The following RRN3 variants were observed in gnomAD, a reference collection of about 807,000 sequenced individuals.
RRN3 encodes RNA polymerase I-specific transcription initiation factor RRN3.
Under a neutral mutation model 82.3 loss-of-function variants are expected in RRN3, and 38 were observed. The observed-to-expected ratio is 0.46, with a 90% CI of 0.36 to 0.61. The LOEUF (loss-of-function observed/expected upper bound fraction) is 0.61, where lower values mean the gene tolerates loss of function less well. RRN3 is among the 20% of genes least tolerant of loss of function. RRN3 has a pLI of 0.00. For synonymous variants in RRN3, 284 were observed against 284.3 expected (o/e 1.00, Z 0.01); for missense variants, 726 against 793.1 (o/e 0.92, Z 1.02).
At chr16:15,083,370 G>T (rs2045782762) in intron 8 of RRN3, 143 bp downstream of exon 8, 1 of 1,340,824 alleles carries the variant, frequency 7.5e-7, no homozygotes, top group Non-Finnish European at 1.0e-6. Flanking sequence ...TTGCACTCCA[G>T]CTTGGGCGAC....
rs138391775 is a variant in RRN3 at position 15,094,183 on chromosome 16, C to T, written c.51G>A (p.Ser17=). The T allele has an allele frequency of 2.5e-6, 4 of 1,601,758 alleles. No homozygotes were observed. The highest frequency in any genetic ancestry group is 4.5e-5 in the East Asian group (2 of 44,492). ...HTRLPGDAAA[S]SSAVKKLGAS... ...CGCCCAGCTTCTTAACTGCAGAGGA[C>T]GAAGCGGCCGCATCTCCCGGCAAAC... Residue 17 remains serine, a synonymous_variant, in exon 1 of 18, where the codon TCG becomes TCA. Transcript: ENST00000198767.
chr16:15,072,562 G>C (rs147714412), intron 12 of RRN3, among the ~76,000 whole-genome samples: 1 of 152,094 alleles, frequency 6.6e-6, no homozygotes, highest in East Asian at 1.9e-4. Flanking sequence ...AACGCTTTGC[G>C]GGGCAGGAGG....
intron 10 of RRN3, 38 bp from the exon 11 acceptor site, chr16:15,074,899 T>A (rs1167050188): frequency 1.3e-6 from 2 of 1,572,376 alleles, no homozygotes; most frequent in African/African-American, 1.4e-5. Context: ...ATTAAAAAAT[T>A]CAATGTCAAA....
rs374353637 is a variant in RRN3, at chr16:15,073,066, C to G, written c.1012G>C (p.Gly338Arg). ...TCGCGATATAGATCCTTTGTTTTGC[C>G]GTTATCAACCTTACCTATGGAGAAA... ...VCYVDGKVDN[G>R]KTKDLYRDLI... Residue 338 changes from glycine to arginine, a missense_variant, in exon 12 of 18, where the codon GGC (glycine) becomes CGC (arginine). This residue lies in a region of RRN3 where 344 missense variants were observed against 394.5 expected (regional missense o/e 0.87). Coordinates refer to ENST00000198767, the MANE Select transcript of RRN3 (RefSeq NM_018427.5). 1 of 1,609,976 alleles carries G rather than the reference C, an allele frequency of 6.2e-7. No homozygotes were observed. Among genetic ancestry groups the G allele is most frequent in the African/African-American group, 1.3e-5 (1 of 74,668 alleles).
intron 10 of RRN3, among the ~76,000 whole-genome samples, chr16:15,075,193 A>C (rs1378528323): frequency 6.7e-6 from 1 of 148,256 alleles, no homozygotes; most frequent in East Asian, 2.1e-4. Flanking sequence ...AGGAGGCTAC[A>C]GTGAGCCGAG....
intron 16 of RRN3, among the ~76,000 whole-genome samples, chr16:15,063,952 A>G (rs1242831585): frequency 6.6e-6 from 1 of 152,190 alleles, no homozygotes; most frequent in African/African-American, 2.4e-5. Flanking sequence ...TCTTTTTTAT[A>G]TTTCTGTAGT....
Position 15,061,448 on chromosome 16 carries a change from A to G in RRN3, c.*296T>C. 1 of 344,946 alleles carries G rather than the reference A, an allele frequency of 2.9e-6. No homozygotes were observed. Among genetic ancestry groups the G allele is most frequent in the Non-Finnish European group, 5.2e-6 (1 of 191,644 alleles). 21.4% of individuals were successfully genotyped at this position (344,946 alleles called of 1,614,324 possible). On this transcript the variant is annotated 3_prime_UTR_variant, in exon 18 of 18. Coordinates refer to ENST00000198767, the MANE Select transcript of RRN3 (RefSeq NM_018427.5). Reference sequence around the variant, plus strand: ...AAATTACCCAGTAATTGTGTCAAAAAGCTGTTAACACAAAAAATGTACATA... The same window carrying G: ...AAATTACCCAGTAATTGTGTCAAAAGGCTGTTAACACAAAAAATGTACATA...
chr16:15,081,806 T>G (rs1265100997), intron 8 of RRN3, among the ~76,000 whole-genome samples: 14 of 152,232 alleles, frequency 9.2e-5, no homozygotes, highest in Admixed American at 5.2e-4. Context: ...TTTTTACTCT[T>G]CATGTAGGGC....
chr16:15,063,630 G>C (rs2044815466), intron 16 of RRN3, among the ~76,000 whole-genome samples: 3 of 150,938 alleles, frequency 2.0e-5, no homozygotes, highest in South Asian at 2.1e-4. Flanking sequence ...GCCTGAACCT[G>C]GGAGACGGAG....
intron 14 of RRN3, 78 bp downstream of exon 14, chr16:15,069,992 A>T: frequency 7.8e-7 from 1 of 1,275,936 alleles, no homozygotes; most frequent in Admixed American, 2.3e-5. Context: ...TAAAAATCTC[A>T]AAAAAGTAAT....
chr16:15,075,279 A>G (rs892869931), intron 10 of RRN3, among the ~76,000 whole-genome samples: 2 of 151,474 alleles, frequency 1.3e-5, no homozygotes, highest in Non-Finnish European at 2.9e-5. Flanking sequence ...CTAAACTAAA[A>G]CAAAGAAATG....
In RRN3 at chr16:15,074,769, C is replaced by G. The variant is rs764903237; in HGVS notation, c.951G>C (p.Leu317=). 3 of 1,614,040 alleles carry G rather than the reference C, an allele frequency of 1.9e-6. No homozygotes were observed. Among genetic ancestry groups the G allele is most frequent in the Non-Finnish European group, 2.5e-6 (3 of 1,180,002 alleles). The change falls in exon 11 of 18, where the codon CTG becomes CTC. Residue 317 remains leucine (L), a synonymous_variant. Transcript: ENST00000198767. ...VHPVAERLDI[L]MSLVLSYMKD... is the part of the protein sequence containing the mutation. ...TCATGTAGGACAAAACCAAAGACAT[C>G]AGGATGTCCAGGCGCTCGGCTACAG... is the stretch of plus-strand genomic sequence containing the variant.
intron 16 of RRN3, among the ~76,000 whole-genome samples, chr16:15,063,592 C>T (rs1201177111): frequency 6.6e-6 from 1 of 150,422 alleles, no homozygotes; most frequent in Non-Finnish European, 1.5e-5. Flanking sequence ...CCTGTAGTCC[C>T]AGCTACTCGG....
intron 1 of RRN3, among the ~76,000 whole-genome samples, chr16:15,093,676 C>T (rs552807308): frequency 4.6e-5 from 7 of 152,240 alleles, no homozygotes; most frequent in African/African-American, 1.2e-4. Flanking sequence ...AAGAGTGCTA[C>T]GGGGGTTAGG....
In RRN3 at chr16:15,082,935, A is replaced by G. The variant is rs1365349004; in HGVS notation, c.666+578T>C. 2.6e-5 allele frequency among the ~76,000 whole-genome samples: 4 copies of G among 152,370 alleles called. No homozygotes were observed. In the East Asian group the frequency reaches 7.7e-4, roughly 29 times the overall value. ...TATTATCTTCTAGTAATTCTTGTCC[A>G]TATGAGCATAAAGCCACTACAGATA... is the stretch of plus-strand genomic sequence containing the variant. On this transcript the variant is annotated intron_variant, in intron 8 of 17. Transcript: ENST00000198767.
At chr16:15,073,175 A>T in intron 11 of RRN3, 95 bp from the exon 12 acceptor site, 2 of 1,412,168 alleles carry the variant, frequency 1.4e-6, no homozygotes, top group South Asian at 2.4e-5. Flanking sequence ...TTAAAAAACA[A>T]CATTATCCAG....
At chr16:15,092,823 C>T (rs559318814) in intron 1 of RRN3, among the ~76,000 whole-genome samples, 59 of 152,296 alleles carry the variant, frequency 3.9e-4, no homozygotes, top group Non-Finnish European at 7.8e-4. Context: ...ATCCAAATCT[C>T]TCAGTGTGGT....
At chr16:15,084,850 G>C in intron 6 of RRN3, 145 bp from the exon 7 acceptor site, 1 of 661,438 alleles carries the variant, frequency 1.5e-6, no homozygotes, top group Non-Finnish European at 2.8e-6. Context: ...TGGATCACCT[G>C]AGGTCAGGAG....
Position 15,071,160 on chromosome 16 carries a change from A to G in RRN3, c.1220T>C (p.Ile407Thr), listed in dbSNP as rs2151775794. 3.1e-6 allele frequency: 5 copies of G among 1,610,352 alleles called. No individual in the cohort carries two copies. The highest frequency in any genetic ancestry group is 4.2e-6 in the Non-Finnish European group (5 of 1,179,342). ...AIIRQAAGNY[I>T]GSFLARAKFI... ...TTTAGCTCTTGCCAAAAAGCTTCCAATATAATTTCCAGCAGCCTGCCTGAT... is the reference window on the plus strand; with the variant it reads ...TTTAGCTCTTGCCAAAAAGCTTCCAGTATAATTTCCAGCAGCCTGCCTGAT... The change falls in exon 13 of 18, where the codon ATT becomes ACT. Residue 407 changes from isoleucine (I) to threonine (T), a missense_variant. Transcript: ENST00000198767.
Sources: allele counts gnomAD v4.1 joint callset (sites outside exome capture counted in the v4.1 genomes callset), GRCh38; gene constraint gnomAD v4.1.1; regional missense constraint gnomAD v4.1.1; transcripts MANE v1.5; gene names NCBI Gene and HGNC (gene_info 2026-07-23, HGNC 2026-07-21).